The following HNF4G variants were observed in gnomAD, a reference collection of about 807,000 sequenced individuals.
The protein encoded by HNF4G is hepatocyte nuclear factor 4 gamma, also known as hepatocyte nuclear factor 4-gamma.
Under a neutral mutation model 50.9 loss-of-function variants are expected in HNF4G, and 21 were observed. That is an observed-to-expected ratio of 0.41 (90% CI 0.29 to 0.59). The LOEUF (loss-of-function observed/expected upper bound fraction) is 0.59, where lower values mean the gene tolerates loss of function less well. HNF4G is among the 20% of genes least tolerant of loss of function. The pLI is 0.26. For synonymous variants in HNF4G, 198 were observed against 185.6 expected (o/e 1.07, Z -0.54); for missense variants, 527 against 559.4 (o/e 0.94, Z 0.58).
chr8:75,470,852 C>T (rs900693259), intron 1 of HNF4G, among the ~76,000 whole-genome samples: 2 of 152,146 alleles, frequency 1.3e-5, no homozygotes, highest in African/African-American at 4.8e-5. Flanking sequence ...TCAAATAATG[C>T]TGTAGTTTTA....
chr8:75,545,204 A>G (rs1046283920), intron 2 of HNF4G, among the ~76,000 whole-genome samples: 1 of 151,456 alleles, frequency 6.6e-6, no homozygotes, highest in Admixed American at 6.6e-5. Flanking sequence ...CCTGTAAACC[A>G]TACCTTCTGG....
At chr8:75,554,765 T>A (rs978345635) in intron 5 of HNF4G, among the ~76,000 whole-genome samples, 2 of 152,168 alleles carry the variant, frequency 1.3e-5, no homozygotes, top group African/African-American at 4.8e-5. Context: ...GAAAGTTCAT[T>A]CCAAGTGGAG....
intron 8 of HNF4G, among the ~76,000 whole-genome samples, chr8:75,559,747 T>C (rs1336798946): frequency 1.3e-5 from 2 of 152,082 alleles, no homozygotes; most frequent in African/African-American, 4.8e-5. Flanking sequence ...GATACTGGAA[T>C]TGCAATACAA....
chr8:75,534,765 A>C (rs1404403189), intron 2 of HNF4G, among the ~76,000 whole-genome samples: 1 of 151,824 alleles, frequency 6.6e-6, no homozygotes, highest in African/African-American at 2.4e-5. Flanking sequence ...AAGATTTAAA[A>C]TTGGTTCCTT....
rs1807200882 is a variant in HNF4G at position 75,558,548 on chromosome 8, G to A, written c.764G>A (p.Cys255Tyr). 1.9e-6 allele frequency: 3 copies of A among 1,613,664 alleles called. No individual in the cohort carries two copies. Among genetic ancestry groups the A allele is most frequent in the East Asian group, 4.5e-5 (2 of 44,864 alleles). The change falls in exon 7 of 10, where the codon TGT becomes TAT. Residue 255 changes from cysteine (C) to tyrosine (Y), a missense_variant. Around this residue, in one of 5 missense-constraint regions of HNF4G, gnomAD observed 308 missense variants for 301.5 expected, o/e 1.02. Transcript: ENST00000396423. ...AACTATGTTATTCACCGCAACAGCT[G>A]TGAAGTTGAGATTAGCCGTGTGGCC... is the stretch of plus-strand genomic sequence containing the variant. Reference protein sequence around the residue: ...GNNYVIHRNSCEVEISRVANR... With the variant: ...GNNYVIHRNSYEVEISRVANR...
intron 2 of HNF4G, among the ~76,000 whole-genome samples, chr8:75,515,319 G>A (rs903354439): frequency 1.1e-4 from 16 of 152,062 alleles, no homozygotes; most frequent in African/African-American, 3.6e-4. Flanking sequence ...TTAGTTTATT[G>A]ATTTGAGAGT....
At chr8:75,487,251 A>AT (rs967177895) in intron 1 of HNF4G, among the ~76,000 whole-genome samples, 29 of 133,410 alleles carry the variant, frequency 2.2e-4, no homozygotes, top group Admixed American at 8.2e-4. Flanking sequence ...CGATTCTTAT[A>AT]TTTTTTTATT....
rs187375786 is a variant in HNF4G at position 75,554,051 on chromosome 8, A to G, written c.645+854A>G. On this transcript the variant is annotated intron_variant, in intron 5 of 9. Coordinates refer to ENST00000396423, the MANE Select transcript of HNF4G (RefSeq NM_004133.5). Reference sequence around the variant, plus strand: ...CCATGGTAAGTGTTATAACCAGTGTATATTTATTTTTAAGAGAGCGTTTCA... The same window carrying G: ...CCATGGTAAGTGTTATAACCAGTGTGTATTTATTTTTAAGAGAGCGTTTCA... Among the ~76,000 whole-genome samples the G allele has an allele frequency of 3.8e-4, 58 of 152,222 alleles. 2 individuals carry two copies. Among genetic ancestry groups the G allele is most frequent in the East Asian group, 2.5e-3 (13 of 5,180 alleles).
Position 75,430,648 on chromosome 8 carries a change from T to G in HNF4G, c.-144+22486T>G, listed in dbSNP as rs546596377. ...CCATATTCATAGTACATATGTAACC[T>G]CAAAACCTCTAAAGGTAAAATTTTA... On this transcript the variant is annotated intron_variant, in intron 1 of 10. Coordinates refer to the HNF4G transcript ENST00000354370. 4.1e-4 allele frequency among the ~76,000 whole-genome samples: 63 copies of G among 152,286 alleles called. 1 individual carries two copies. The highest frequency in any genetic ancestry group is 1.4e-3 in the African/African-American group (58 of 41,552).
chr8:75,483,961 A>G (rs1812440749), intron 1 of HNF4G, among the ~76,000 whole-genome samples: 1 of 152,194 alleles, frequency 6.6e-6, no homozygotes, highest in Admixed American at 6.5e-5. Context: ...AAAATACTTC[A>G]TGAATTATCA....
At chr8:75,476,262 T>C (rs1812236652) in intron 1 of HNF4G, among the ~76,000 whole-genome samples, 1 of 152,228 alleles carries the variant, frequency 6.6e-6, no homozygotes, top group Admixed American at 6.5e-5. Context: ...GCAAAATACA[T>C]GATTTTATTC....
intron 1 of HNF4G, among the ~76,000 whole-genome samples, chr8:75,437,873 A>G (rs1291864709): frequency 1.3e-5 from 2 of 152,160 alleles, no homozygotes; most frequent in African/African-American, 4.8e-5. Flanking sequence ...TTGTTCATTG[A>G]AAGTGTGATT....
intron 1 of HNF4G, among the ~76,000 whole-genome samples, chr8:75,414,255 A>G (rs535512073): frequency 3.9e-5 from 6 of 152,192 alleles, no homozygotes; most frequent in East Asian, 3.9e-4. Flanking sequence ...AAATGGAATC[A>G]TATACTATGT....
rs1428053562 is a variant in HNF4G, at chr8:75,540,845, A to ATGTG, written c.118+767_118+770dup. On this transcript the variant is annotated intron_variant, in intron 1 of 9. Coordinates refer to ENST00000396423, the MANE Select transcript of HNF4G (RefSeq NM_004133.5). ...CGAGTAATTATGTATACTTTGGAAA[A>ATGTG]TGTGTATGTGTGTGTGTGTGTGTGT... Among the ~76,000 whole-genome samples the ATGTG allele has an allele frequency of 2.0e-3, 185 of 93,304 alleles. 1 individual carries two copies. Among genetic ancestry groups the ATGTG allele is most frequent in the African/African-American group, 8.9e-3 (178 of 19,910 alleles). The allele number at this position is 93,304 out of a possible 152,430, so 61.2% of individuals were successfully genotyped here.
chr8:75,509,039 G>A (rs906419548), intron 2 of HNF4G, among the ~76,000 whole-genome samples: 2 of 152,150 alleles, frequency 1.3e-5, no homozygotes, highest in Non-Finnish European at 2.9e-5. Flanking sequence ...ACAGAAATGT[G>A]TCCGAAGAGG....
intron 2 of HNF4G, among the ~76,000 whole-genome samples, chr8:75,529,995 G>T (rs908486200): frequency 1.8e-4 from 27 of 152,288 alleles, no homozygotes; most frequent in African/African-American, 6.5e-4. Context: ...AAGCAGAACA[G>T]AGTGCGTGTG....
chr8:75,508,763 T>A (rs1805670775), intron 2 of HNF4G, among the ~76,000 whole-genome samples: 1 of 152,010 alleles, frequency 6.6e-6, no homozygotes, highest in Non-Finnish European at 1.5e-5. Flanking sequence ...AGAAGTTCAT[T>A]AATATTGAAG....
intron 2 of HNF4G, among the ~76,000 whole-genome samples, chr8:75,494,461 TAC>T (rs1041439193): frequency 3.3e-5 from 5 of 152,172 alleles, no homozygotes; most frequent in African/African-American, 1.2e-4. Flanking sequence ...GGTCTTTTAT[TAC>T]AGTTGCATAA....
At chr8:75,410,920 G>A (rs966719386) in intron 1 of HNF4G, among the ~76,000 whole-genome samples, 12 of 152,208 alleles carry the variant, frequency 7.9e-5, no homozygotes, top group Admixed American at 3.9e-4. Flanking sequence ...TAAAGAATAC[G>A]CACGCACACA....
Sources: allele counts gnomAD v4.1 joint callset (sites outside exome capture counted in the v4.1 genomes callset), GRCh38; gene constraint gnomAD v4.1.1; regional missense constraint gnomAD v4.1.1; transcripts MANE v1.5; gene names NCBI Gene and HGNC (gene_info 2026-07-23, HGNC 2026-07-21).